The following NUFIP2 variants were observed in gnomAD, a reference collection of about 807,000 sequenced individuals.
NUFIP2 encodes nuclear FMR1 interacting protein 2.
NUFIP2 carries 6 observed loss-of-function variants against 56.9 expected under a neutral mutation model. That is an observed-to-expected ratio of 0.11 (90% confidence interval 0.06 to 0.21). The LOEUF (loss-of-function observed/expected upper bound fraction) is 0.21, where lower values mean the gene tolerates loss of function less well. NUFIP2 is among the 10% of genes least tolerant of loss of function. The probability of loss-of-function intolerance (pLI) is 1.00; values close to 1 mark genes in which losing one functional copy is unlikely to be tolerated. For missense variants in NUFIP2, 828 were observed against 826.8 expected (o/e 1.00, Z -0.02); for synonymous variants, 321 against 298.2 (o/e 1.08, Z -0.79).
intron 2 of NUFIP2, among the ~76,000 whole-genome samples, chr17:29,277,402 AACTG>A: frequency 6.6e-6 from 1 of 152,272 alleles, no homozygotes; most frequent in South Asian, 2.1e-4. Context: ...ATGCCAAACA[AACTG>A]ACTCCCACAA....
chr17:29,291,345 T>TA (rs755948980), intron 1 of NUFIP2, among the ~76,000 whole-genome samples: 30 of 152,112 alleles, frequency 2.0e-4, no homozygotes, highest in Admixed American at 5.9e-4. Context: ...TCTTCTGGAT[T>TA]AAAAAAAACT....
Position 29,287,061 on chromosome 17 carries a change from G to C in NUFIP2, c.933C>G (p.Ser311Arg). The C allele has an allele frequency of 3.1e-6, 5 of 1,614,166 alleles. No homozygotes were observed. The highest frequency in any genetic ancestry group is 4.2e-6 in the Non-Finnish European group (5 of 1,180,036). The change falls in exon 2 of 4, where the codon AGC (serine) becomes AGG (arginine). Residue 311 changes from serine (S) to arginine (R), a missense_variant. Around this residue, in one of 3 missense-constraint regions of NUFIP2, gnomAD observed 415 missense variants for 408.7 expected, o/e 1.02. Transcript: ENST00000225388. ...TGGGCCGATCATCAAACTTTTTGCTGCTCACACCAGGTTTACTATCTGAGC... is the reference window on the plus strand; with the variant it reads ...TGGGCCGATCATCAAACTTTTTGCTCCTCACACCAGGTTTACTATCTGAGC... ...RKSSDSKPGV[S>R]SKKFDDRPKG...
intron 2 of NUFIP2, among the ~76,000 whole-genome samples, chr17:29,268,716 AGG>A (rs2069053880): frequency 6.6e-6 from 1 of 151,644 alleles, no homozygotes; most frequent in Non-Finnish European, 1.5e-5. Flanking sequence ...TTTAGTAGAG[AGG>A]GGGTTTCTCC....
At chr17:29,281,387 G>A (rs1025381184) in intron 2 of NUFIP2, among the ~76,000 whole-genome samples, 1 of 152,038 alleles carries the variant, frequency 6.6e-6, no homozygotes, top group East Asian at 1.9e-4. Flanking sequence ...AGCTACTCAG[G>A]AGGCTGAGGC....
intron 2 of NUFIP2, among the ~76,000 whole-genome samples, chr17:29,272,075 A>AGGGGAGGG (rs58107302): frequency 3.8e-5 from 1 of 26,480 alleles, no homozygotes; most frequent in Non-Finnish European, 6.1e-5. Context: ...TGTCGAAAAG[A>AGGGGAGGG]GAGGGGAGGG....
In NUFIP2 at chr17:29,273,497, T is replaced by TACAC. The variant is rs61077728; in HGVS notation, c.2003-5971_2003-5968dup. Among the ~76,000 whole-genome samples, 762 of 149,060 alleles carry TACAC rather than the reference T, an allele frequency of 5.1e-3. 4 individuals are homozygous for TACAC. The highest frequency in any genetic ancestry group is 0.012 in the African/African-American group (505 of 40,918). The stretch of plus-strand genomic sequence containing the variant: ...TTGATCTTTTAACACTGCTCTCTTC[T>TACAC]ACACACACACACACACACACACACA... On this transcript the variant is annotated intron_variant, in intron 2 of 3. Transcript: ENST00000225388.
chr17:29,258,549 G>A lies in NUFIP2; in HGVS notation c.*5990C>T, dbSNP rs1567673153. The A allele has an allele frequency of 6.6e-6, 1 of 152,124 alleles. No homozygotes were observed. Among genetic ancestry groups the A allele is most frequent in the Admixed American group, 6.5e-5 (1 of 15,282 alleles). The allele number at this position is 152,124 out of a possible 1,614,324, so 9.4% of individuals were successfully genotyped here. A position where few individuals can be genotyped will look rare whatever the true frequency, so the allele number is the denominator to read the frequency against. On this transcript the variant is annotated 3_prime_UTR_variant, in exon 4 of 4. Transcript: ENST00000225388. Reference sequence around the variant, plus strand: ...CATTCTTCCCAATTCCTCTTTCTGAGGCAGAGAGAGGGAATAATAGAAACA... The same window carrying A: ...CATTCTTCCCAATTCCTCTTTCTGAAGCAGAGAGAGGGAATAATAGAAACA...
At chr17:29,269,363 C>G (rs2069057855) in intron 2 of NUFIP2, among the ~76,000 whole-genome samples, 1 of 152,066 alleles carries the variant, frequency 6.6e-6, no homozygotes, top group Admixed American at 6.5e-5. Flanking sequence ...CAACATAATC[C>G]CTCCGTAGGA....
At chr17:29,265,305 A>ATTTTT (rs66549012) in intron 3 of NUFIP2, among the ~76,000 whole-genome samples, 6 of 135,624 alleles carry the variant, frequency 4.4e-5, no homozygotes, top group Non-Finnish European at 7.9e-5. Context: ...ATTTTATTTT[A>ATTTTT]TTTTTTTTTT....
chr17:29,270,324 G>GAAAAAAA (rs386385865), intron 2 of NUFIP2, among the ~76,000 whole-genome samples: 1 of 81,378 alleles, frequency 1.2e-5, no homozygotes, highest in African/African-American at 4.1e-5. Flanking sequence ...CTAACCTGGA[G>GAAAAAAA]AAAAAAAAAA....
At chr17:29,288,252 A>T (rs2069190222) in intron 1 of NUFIP2, among the ~76,000 whole-genome samples, 1 of 152,210 alleles carries the variant, frequency 6.6e-6, no homozygotes, top group Admixed American at 6.5e-5. Context: ...TCACCATGTT[A>T]GCCAGGATGG....
chr17:29,284,332 T>C (rs1367312219), intron 2 of NUFIP2, among the ~76,000 whole-genome samples: 1 of 152,210 alleles, frequency 6.6e-6, no homozygotes, highest in East Asian at 1.9e-4. Context: ...ACCTCATTAT[T>C]TGCTCTAAGG....
At chr17:29,293,422 G>A (rs1478838094) in intron 1 of NUFIP2, among the ~76,000 whole-genome samples, 5 of 152,092 alleles carry the variant, frequency 3.3e-5, no homozygotes, top group Non-Finnish European at 4.4e-5. Context: ...GGGGGGGTAG[G>A]TTTACCCCAT....
At chr17:29,274,492 A>T (rs1373551122) in intron 2 of NUFIP2, among the ~76,000 whole-genome samples, 1 of 152,218 alleles carries the variant, frequency 6.6e-6, no homozygotes, top group African/African-American at 2.4e-5. Flanking sequence ...CAACAAAAAA[A>T]GTTTTAATTG....
rs758280320 is a variant in NUFIP2 at position 29,286,766 on chromosome 17, T to C, written c.1228A>G (p.Thr410Ala). 2 of 1,614,070 alleles carry C rather than the reference T, an allele frequency of 1.2e-6. No homozygotes were observed. Among genetic ancestry groups the C allele is most frequent in the South Asian group, 2.2e-5 (2 of 91,084 alleles). ...QVPMSALKSV[T>A]SANFSNGPVL... Reference sequence around the variant, plus strand: ...GGCCCATTAGAAAAGTTGGCAGAAGTAACAGATTTCAGCGCTGACATAGGG... The same window carrying C: ...GGCCCATTAGAAAAGTTGGCAGAAGCAACAGATTTCAGCGCTGACATAGGG... Residue 410 changes from threonine to alanine, a missense_variant, in exon 2 of 4, where the codon ACT becomes GCT. By Grantham distance (58) the Thr-to-Ala change is moderately conservative. This residue lies in a region of NUFIP2 where 404 missense variants were observed against 380.3 expected (regional missense o/e 1.06). Transcript: ENST00000225388.
In NUFIP2 at chr17:29,258,115, T is replaced by A. The variant is rs1360151254; in HGVS notation, c.*6424A>T. The A allele has an allele frequency of 6.6e-6, 1 of 152,088 alleles. No homozygotes were observed. The highest frequency in any genetic ancestry group is 1.9e-4 in the East Asian group (1 of 5,190). The allele number at this position is 152,088 out of a possible 1,614,324, so 9.4% of individuals were successfully genotyped here. A position where few individuals can be genotyped will look rare whatever the true frequency, so the allele number is the denominator to read the frequency against. ...CAAGGCACATTGATATAAAAATAGA[T>A]CTCTGGCCAACAAATATATTAAATA... On this transcript the variant is annotated 3_prime_UTR_variant, in exon 4 of 4. Coordinates refer to ENST00000225388, the MANE Select transcript of NUFIP2 (RefSeq NM_020772.3).
chr17:29,287,614 T>C lies in NUFIP2; in HGVS notation c.380A>G (p.Asn127Ser), dbSNP rs772281765. Residue 127 changes from asparagine to serine, a missense_variant, in exon 2 of 4, where the codon AAC (asparagine) becomes AGC (serine). Around this residue, in one of 3 missense-constraint regions of NUFIP2, gnomAD observed 415 missense variants for 408.7 expected, o/e 1.02. Coordinates refer to ENST00000225388, the MANE Select transcript of NUFIP2 (RefSeq NM_020772.3). Reference protein sequence around the residue: ...TNPISRVLNGNQQVVDTSLKQ... With the variant: ...TNPISRVLNGSQQVVDTSLKQ... The stretch of plus-strand genomic sequence containing the variant: ...CAGGCTAGTGTCTACAACTTGCTGG[T>C]TGCCATTGAGGACCCTGGAAATAGG... 6.2e-7 allele frequency: 1 copy of C among 1,614,168 alleles called. No homozygotes were observed. Among genetic ancestry groups the C allele is most frequent in the East Asian group, 2.2e-5 (1 of 44,878 alleles).
chr17:29,288,054 C>CT (rs527496811), intron 1 of NUFIP2, among the ~76,000 whole-genome samples: 52 of 152,216 alleles, frequency 3.4e-4, no homozygotes, highest in Non-Finnish European at 2.2e-4. Flanking sequence ...ATAAAATTTT[C>CT]TTTTTTCAAG....
At position 29,263,943 on chromosome 17, in the gene NUFIP2, A is replaced by G. The variant is rs1324375836; in HGVS notation, c.*596T>C. The G allele has an allele frequency of 6.5e-6, 1 of 152,726 alleles. No individual in the cohort carries two copies. The highest frequency in any genetic ancestry group is 1.9e-4 in the East Asian group (1 of 5,198). 9.5% of individuals were successfully genotyped at this position (152,726 alleles called of 1,614,324 possible). A position where few individuals can be genotyped will look rare whatever the true frequency, so the allele number is the denominator to read the frequency against. ...CCCCAGAGGCCGCTTAACTCCTGGC[A>G]AGACATGCAAATCATATTCGCTAAA... On this transcript the variant is annotated 3_prime_UTR_variant, in exon 4 of 4. Coordinates refer to ENST00000225388, the MANE Select transcript of NUFIP2 (RefSeq NM_020772.3).
Sources: allele counts gnomAD v4.1 joint callset (sites outside exome capture counted in the v4.1 genomes callset), GRCh38; gene constraint gnomAD v4.1.1; regional missense constraint gnomAD v4.1.1; transcripts MANE v1.5; gene names NCBI Gene and HGNC (gene_info 2026-07-23, HGNC 2026-07-21).